PDS5A: variants seen among roughly 807,000 people sequenced by gnomAD.
PDS5A encodes the protein PDS5 cohesin associated factor A.
Under a neutral mutation model 167.1 loss-of-function variants are expected in PDS5A, and 42 were observed. That is an observed-to-expected ratio of 0.25 (90% CI 0.20 to 0.33). The LOEUF is 0.33. Ranked by LOEUF, PDS5A falls within the 10% of genes least tolerant of loss-of-function variation. PDS5A has a pLI of 1.00. For synonymous variants in PDS5A, 553 were observed against 554.6 expected (o/e 1.00, Z 0.04); for missense variants, 1,033 against 1,605.9 (o/e 0.64, Z 6.10).
rs950986787 is a variant in PDS5A, at chr4:39,896,877, T to C, written c.1770+1512A>G. ...GGATCACCAAGATGTCACTAGGTGATAGGAATCCTTCAGTTCCGTTATAAT... is the reference window on the plus strand; with the variant it reads ...GGATCACCAAGATGTCACTAGGTGACAGGAATCCTTCAGTTCCGTTATAAT... On this transcript the variant is annotated intron_variant, in intron 16 of 32. Coordinates refer to ENST00000303538, the MANE Select transcript of PDS5A (RefSeq NM_001100399.2). Among the ~76,000 whole-genome samples the C allele has an allele frequency of 7.2e-5, 11 of 151,874 alleles. No individual in the cohort carries two copies. The South Asian group carries it at 8.3e-4, about 11-fold the overall frequency.
chr4:39,876,024 T>C (rs1270427581), intron 19 of PDS5A, among the ~76,000 whole-genome samples: 1 of 152,116 alleles, frequency 6.6e-6, no homozygotes, highest in African/African-American at 2.4e-5. Context: ...TTCTTCTCCA[T>C]TGGTCTTATG....
At chr4:39,844,347 C>T (rs867120380) in intron 30 of PDS5A, among the ~76,000 whole-genome samples, 24 of 151,654 alleles carry the variant, frequency 1.6e-4, no homozygotes, top group African/African-American at 5.8e-4. Flanking sequence ...TGGTGGCAGG[C>T]GCCTGTAATT....
chr4:39,902,200 T>TC, intron 13 of PDS5A, 147 bp downstream of exon 13: 1 of 529,728 alleles, frequency 1.9e-6, no homozygotes, highest in Non-Finnish European at 3.4e-6. Flanking sequence ...ACATAAATCG[T>TC]AACATTTTGT....
chr4:39,845,704 A>T (rs892375026), intron 29 of PDS5A, 114 bp downstream of exon 29: 20 of 1,119,412 alleles, frequency 1.8e-5, no homozygotes, highest in Non-Finnish European at 1.8e-5. Context: ...CCATAATGTG[A>T]TCCCTAAGAA....
chr4:39,964,962 T>A (rs183990024), intron 2 of PDS5A, among the ~76,000 whole-genome samples: 75 of 152,058 alleles, frequency 4.9e-4, no homozygotes, highest in Admixed American at 1.1e-3. Context: ...ATAATAATAA[T>A]AAAATAATAA....
Position 39,890,268 on chromosome 4 carries a change from T to C in PDS5A, c.1867A>G (p.Ile623Val). ...FLLERIAPVH[I>V]DSEAISALVK... is the part of the protein sequence containing the mutation. ...GCTTACCTTATGGCTTCTGAATCAA[T>C]GTGCACAGGTGCGATTCTTTCCAAC... is the stretch of plus-strand genomic sequence containing the variant. The change falls in exon 17 of 33, where the codon ATT becomes GTT. Residue 623 changes from isoleucine to valine, a missense_variant. Coordinates refer to ENST00000303538, the MANE Select transcript of PDS5A (RefSeq NM_001100399.2). The C allele has an allele frequency of 6.4e-7, 1 of 1,553,518 alleles. No individual in the cohort carries two copies. The highest frequency in any genetic ancestry group is 8.8e-7 in the Non-Finnish European group (1 of 1,140,310).
Position 39,917,174 on chromosome 4 carries a change from G to A in PDS5A, c.750C>T (p.Val250=), listed in dbSNP as rs1724469021. The A allele has an allele frequency of 2.6e-6, 4 of 1,550,634 alleles. No individual in the cohort carries two copies. The East Asian group carries it at 7.3e-5, about 28-fold the overall frequency. ...TTACTGATGATCTTCCCAGCACCAG[G>A]ACTTGATTGAAAAACTGTAAGAGAT... ...EACIANFFNQ[V]LVLGRSSVSD... Residue 250 remains valine, a synonymous_variant, in exon 8 of 33, where the codon GTC becomes GTT. Coordinates refer to ENST00000303538, the MANE Select transcript of PDS5A (RefSeq NM_001100399.2).
At chr4:39,966,973 G>A (rs1181523819) in intron 2 of PDS5A, among the ~76,000 whole-genome samples, 1 of 151,442 alleles carries the variant, frequency 6.6e-6, no homozygotes, top group Non-Finnish European at 1.5e-5. Context: ...TCCAGCCTGG[G>A]AAACAAGAGT....
chr4:39,920,157 G>A (rs1001263592), intron 7 of PDS5A, among the ~76,000 whole-genome samples, 162 bp downstream of exon 7: 15 of 152,060 alleles, frequency 9.9e-5, no homozygotes, highest in Admixed American at 3.3e-4. Context: ...CTTTAAAAAC[G>A]TCATGAAACT....
chr4:39,967,084 C>T (rs1730042654), intron 2 of PDS5A, among the ~76,000 whole-genome samples: 1 of 152,008 alleles, frequency 6.6e-6, no homozygotes, highest in Non-Finnish European at 1.5e-5. Context: ...GTGGGTGGAT[C>T]ACTTGAGGTC....
At position 39,823,670 on chromosome 4, in the gene PDS5A, G is replaced by A. The variant is rs1250641453; in HGVS notation, c.*1815C>T. The A allele has an allele frequency of 6.6e-6, 1 of 152,524 alleles. No homozygotes were observed. The highest frequency in any genetic ancestry group is 1.5e-5 in the Non-Finnish European group (1 of 68,024). The allele number at this position is 152,524 out of a possible 1,614,324, so 9.4% of individuals were successfully genotyped here. On this transcript the variant is annotated 3_prime_UTR_variant, in exon 33 of 33. Transcript: ENST00000303538. ...CATAGATACTCTTTTTCAGCATGTTGGAGGCAATATTTTATACTTTCTAAA... is the reference window on the plus strand; with the variant it reads ...CATAGATACTCTTTTTCAGCATGTTAGAGGCAATATTTTATACTTTCTAAA...
intron 3 of PDS5A, among the ~76,000 whole-genome samples, chr4:39,927,498 C>A (rs1466863892): frequency 1.2e-4 from 19 of 152,132 alleles, no homozygotes; most frequent in Admixed American, 1.2e-3. Context: ...TACAAAATCT[C>A]CCCAAGAGAT....
At chr4:39,907,257 A>G (rs1021392309) in intron 11 of PDS5A, among the ~76,000 whole-genome samples, 2 of 152,202 alleles carry the variant, frequency 1.3e-5, no homozygotes, top group Non-Finnish European at 2.9e-5. Context: ...ACACTGTTGA[A>G]CAACTTAAAA....
chr4:39,844,330 C>A (rs1049442089), intron 30 of PDS5A, among the ~76,000 whole-genome samples: 1 of 151,774 alleles, frequency 6.6e-6, no homozygotes, highest in Non-Finnish European at 1.5e-5. Context: ...CAAAAATTAG[C>A]GGGGCGTGGT....
intron 22 of PDS5A, 133 bp downstream of exon 22, chr4:39,869,261 A>G (rs189620746): frequency 6.5e-5 from 44 of 674,302 alleles, no homozygotes; most frequent in African/African-American, 5.9e-4. Context: ...AGCTGAGCCC[A>G]GGAGTTCAAG....
chr4:39,859,834 G>C (rs1718836082), intron 26 of PDS5A, among the ~76,000 whole-genome samples: 1 of 152,238 alleles, frequency 6.6e-6, no homozygotes, highest in East Asian at 1.9e-4. Context: ...CACCTGGGAT[G>C]AACTGGGGAC....
intron 20 of PDS5A, 39 bp from the exon 21 acceptor site, chr4:39,873,183 A>G: frequency 1.5e-6 from 2 of 1,295,108 alleles, no homozygotes; most frequent in Non-Finnish European, 1.0e-6. Flanking sequence ...AATTTGTTTG[A>G]TAAATATCTA....
intron 4 of PDS5A, among the ~76,000 whole-genome samples, 189 bp downstream of exon 4, chr4:39,926,586 A>T (rs1353362387): frequency 6.6e-6 from 1 of 151,908 alleles, no homozygotes; most frequent in African/African-American, 2.4e-5. Flanking sequence ...CAGTTTTTCC[A>T]TCAGAATATA....
intron 2 of PDS5A, among the ~76,000 whole-genome samples, chr4:39,944,442 C>T (rs1727551086): frequency 6.6e-6 from 1 of 151,828 alleles, no homozygotes. Flanking sequence ...ACCTGTAATC[C>T]CAGCACTCCG....
Sources: allele counts gnomAD v4.1 joint callset (sites outside exome capture counted in the v4.1 genomes callset), GRCh38; gene constraint gnomAD v4.1.1; transcripts MANE v1.5; gene names NCBI Gene and HGNC (gene_info 2026-07-23, HGNC 2026-07-21).